HORMAD2: variants seen among roughly 807,000 people sequenced by gnomAD.
HORMAD2 encodes HORMA domain-containing protein 2.
In HORMAD2, 45 loss-of-function variants were observed where a neutral mutation model predicts 38.8. The ratio of observed to expected loss-of-function variants is 1.16; its 90% CI spans 0.91 to 1.49. The LOEUF is 1.49. Ranked by LOEUF, HORMAD2 falls within the 40% of genes most tolerant of loss-of-function variation. HORMAD2 has a pLI of 0.00. For missense variants in HORMAD2, 338 were observed against 367.0 expected (o/e 0.92, Z 0.65); for synonymous variants, 126 against 122.8 (o/e 1.03, Z -0.17).
intron 10 of HORMAD2, among the ~76,000 whole-genome samples, chr22:30,160,317 T>A (rs1397628389): frequency 6.6e-6 from 1 of 151,854 alleles, no homozygotes; most frequent in Non-Finnish European, 1.5e-5. Flanking sequence ...ATTCTCTAGA[T>A]GGGGAGAATA....
intron 10 of HORMAD2, among the ~76,000 whole-genome samples, chr22:30,125,216 CTTTTTTTT>C (rs1167990121): frequency 1.1e-4 from 5 of 43,480 alleles, no homozygotes; most frequent in East Asian, 1.3e-3. Context: ...TTTTTCTTTT[CTTTTTTTT>C]TTTTTTTTTT....
chr22:30,104,838 G>A (rs551553490), intron 5 of HORMAD2, among the ~76,000 whole-genome samples: 8 of 152,084 alleles, frequency 5.3e-5, no homozygotes, highest in Middle Eastern at 3.2e-3. Flanking sequence ...AGTTATTTTG[G>A]TAACTATATT....
At chr22:30,084,308 G>GGA (rs1011698231) in intron 1 of HORMAD2, among the ~76,000 whole-genome samples, 1 of 152,138 alleles carries the variant, frequency 6.6e-6, no homozygotes, top group Non-Finnish European at 1.5e-5. Flanking sequence ...GAGAGAGCAA[G>GGA]GAGAGAGAGA....
intron 2 of HORMAD2, among the ~76,000 whole-genome samples, chr22:30,094,992 T>G (rs754734570): frequency 2.0e-5 from 3 of 152,154 alleles, no homozygotes; most frequent in Non-Finnish European, 2.9e-5. Flanking sequence ...TGTTTATACC[T>G]TCCATCTGTG....
intron 10 of HORMAD2, among the ~76,000 whole-genome samples, chr22:30,132,353 GGGA>G (rs1288384956): frequency 6.6e-6 from 1 of 152,060 alleles, no homozygotes; most frequent in African/African-American, 2.4e-5. Context: ...AGGCCAAGGC[GGGA>G]GGATCACCTG....
At chr22:30,134,914 A>G (rs1268615327) in intron 10 of HORMAD2, among the ~76,000 whole-genome samples, 1 of 152,160 alleles carries the variant, frequency 6.6e-6, no homozygotes, top group Non-Finnish European at 1.5e-5. Context: ...ACCATTTATT[A>G]AGTGCCCACA....
chr22:30,097,030 C>T (rs1414289501), intron 2 of HORMAD2, among the ~76,000 whole-genome samples: 2 of 152,020 alleles, frequency 1.3e-5, no homozygotes, highest in Non-Finnish European at 2.9e-5. Context: ...TTAGAAAATG[C>T]TTTAAAATTA....
the HORMAD2 span, among the ~76,000 whole-genome samples, chr22:30,200,009 T>C: frequency 6.6e-6 from 1 of 152,192 alleles, no homozygotes; most frequent in African/African-American, 2.4e-5. Context: ...CTCTGCCTCC[T>C]GGGTTCAAGT....
At chr22:30,120,536 C>A (rs562507050) in intron 8 of HORMAD2, among the ~76,000 whole-genome samples, 1 of 152,262 alleles carries the variant, frequency 6.6e-6, no homozygotes, top group South Asian at 2.1e-4. Context: ...CTCCTGGAAA[C>A]TACTCAAATG....
chr22:30,184,804 A>G, the HORMAD2 span: 1 of 152,222 alleles, frequency 6.6e-6, no homozygotes, highest in Non-Finnish European at 1.5e-5. Context: ...TAATAGCAGA[A>G]GAAAAAGATA....
In HORMAD2 at chr22:30,138,601, TG is replaced by T. The variant is rs557417463; in HGVS notation, c.819+16389del. On this transcript the variant is annotated intron_variant, in intron 10 of 10. Coordinates refer to ENST00000336726, the MANE Select transcript of HORMAD2 (RefSeq NM_152510.4). ...GTCTTCCATTCCATTTTCATTTATT[TG>T]GATTTTCTTTAATTTCTTTCAGCCA... is the stretch of plus-strand genomic sequence containing the variant. Among the ~76,000 whole-genome samples, 11 of 152,342 alleles carry T rather than the reference TG, an allele frequency of 7.2e-5. No individual in the cohort carries two copies. In the East Asian group the frequency reaches 1.3e-3, roughly 19 times the overall value.
intron 10 of HORMAD2, among the ~76,000 whole-genome samples, chr22:30,135,249 A>T (rs1759651707): frequency 6.6e-6 from 1 of 152,000 alleles, no homozygotes; most frequent in African/African-American, 2.4e-5. Context: ...ACAACTAGAA[A>T]ACTGGGCAAA....
the HORMAD2 span, among the ~76,000 whole-genome samples, chr22:30,186,560 T>G: frequency 1.3e-5 from 2 of 152,158 alleles, no homozygotes; most frequent in African/African-American, 4.8e-5. Flanking sequence ...GTGAAGACCC[T>G]CTTACTGATG....
intron 10 of HORMAD2, among the ~76,000 whole-genome samples, chr22:30,163,673 C>A (rs1212763015): frequency 1.3e-5 from 2 of 152,212 alleles, no homozygotes; most frequent in Non-Finnish European, 2.9e-5. Flanking sequence ...AGTAATCCAC[C>A]TGCCTCAGCC....
At chr22:30,148,887 C>A (rs920942711) in intron 10 of HORMAD2, among the ~76,000 whole-genome samples, 1 of 152,068 alleles carries the variant, frequency 6.6e-6, no homozygotes, top group Non-Finnish European at 1.5e-5. Context: ...TGCCTGTAGT[C>A]CCAACTACTT....
the HORMAD2 span, among the ~76,000 whole-genome samples, chr22:30,182,171 T>C: frequency 6.6e-6 from 1 of 152,324 alleles, no homozygotes; most frequent in East Asian, 1.9e-4. Flanking sequence ...ATTTTAATGT[T>C]TTACTTGCTA....
chr22:30,092,235 TGTG>T (rs1345598819), intron 1 of HORMAD2, among the ~76,000 whole-genome samples: 3 of 152,022 alleles, frequency 2.0e-5, no homozygotes, highest in Non-Finnish European at 4.4e-5. Flanking sequence ...GATATCTCAT[TGTG>T]GTTTCAATTT....
chr22:30,128,983 G>A (rs573657780), intron 10 of HORMAD2, among the ~76,000 whole-genome samples: 144 of 152,280 alleles, frequency 9.5e-4, no homozygotes, highest in African/African-American at 3.4e-3. Flanking sequence ...GGGAGGCTGA[G>A]GCAGGTGGAT....
At chr22:30,172,149 G>C (rs959283061) in intron 10 of HORMAD2, among the ~76,000 whole-genome samples, 7 of 152,278 alleles carry the variant, frequency 4.6e-5, no homozygotes, top group African/African-American at 1.7e-4. Flanking sequence ...TATGTCTGGG[G>C]TATGAAAGAC....
Sources: allele counts gnomAD v4.1 joint callset (sites outside exome capture counted in the v4.1 genomes callset), GRCh38; gene constraint gnomAD v4.1.1; transcripts MANE v1.5; gene names NCBI Gene and HGNC (gene_info 2026-07-23, HGNC 2026-07-21).